The following STK3 variants were observed in gnomAD, a reference collection of about 807,000 sequenced individuals.
The protein encoded by STK3 is serine/threonine-protein kinase 3.
Under a neutral mutation model 58.0 loss-of-function variants are expected in STK3, and 41 were observed. That is an observed-to-expected ratio of 0.71 (90% CI 0.55 to 0.92). The LOEUF is 0.92. Ranked by LOEUF, STK3 falls within the 40% of genes least tolerant of loss-of-function variation. The pLI is 0.00. For missense variants in STK3, 479 were observed against 602.7 expected, an observed-to-expected ratio of 0.79 and a Z score of 2.15; for synonymous variants, 170 against 191.0, an observed-to-expected ratio of 0.89 and a Z score of 0.91.
rs535754799 is a variant in STK3 at position 98,623,003 on chromosome 8, A to T, written c.685-26834T>A. Among the ~76,000 whole-genome samples the T allele has an allele frequency of 3.3e-5, 5 of 152,308 alleles. No individual in the cohort carries two copies. The East Asian group carries it at 9.6e-4, about 29-fold the overall frequency. On this transcript the variant is annotated intron_variant, in intron 6 of 10. Coordinates refer to ENST00000419617, the MANE Select transcript of STK3 (RefSeq NM_006281.4). ...TACCGATAAAAGAAAACCCATGTAG[A>T]AGAAACTGAAGAAAATAAACGCTAG...
chr8:98,823,274 AC>A (rs1835027201), intron 1 of STK3, among the ~76,000 whole-genome samples: 3 of 152,218 alleles, frequency 2.0e-5, no homozygotes, highest in African/African-American at 7.2e-5. Flanking sequence ...TTGAACATCA[AC>A]GACATCGATA....
At chr8:98,445,681 C>G (rs1218666859) in intron 1 of STK3, among the ~76,000 whole-genome samples, 1 of 152,116 alleles carries the variant, frequency 6.6e-6, no homozygotes, top group African/African-American at 2.4e-5. Context: ...AGAAGATAAG[C>G]TTTTCACTCG....
intron 4 of STK3, among the ~76,000 whole-genome samples, chr8:98,738,119 G>A (rs549579628): frequency 6.6e-6 from 1 of 152,340 alleles, no homozygotes; most frequent in African/African-American, 2.4e-5. Flanking sequence ...CACAAATTAT[G>A]AGTTAAATGT....
intron 4 of STK3, among the ~76,000 whole-genome samples, chr8:98,745,275 T>C (rs573632922): frequency 9.8e-5 from 15 of 152,336 alleles, no homozygotes; most frequent in Non-Finnish European, 1.5e-4. Flanking sequence ...TTTGTTAGTC[T>C]GTAATAAATG....
rs144603538 is a variant in STK3 at position 98,608,990 on chromosome 8, T to C, written c.685-12821A>G. ...TGGTTAAGTCCATCCTATGAGACAG[T>C]TCTATATTTATTACATTGGCAGATC... On this transcript the variant is annotated intron_variant, in intron 6 of 10. Coordinates refer to ENST00000419617, the MANE Select transcript of STK3 (RefSeq NM_006281.4). Among the ~76,000 whole-genome samples the C allele has an allele frequency of 1.2e-3, 190 of 152,370 alleles. No homozygotes were observed. In the East Asian group the frequency reaches 0.021, roughly 17 times the overall value.
intron 4 of STK3, 59 bp downstream of exon 4, chr8:98,749,217 A>G (rs983233140): frequency 1.6e-6 from 2 of 1,280,344 alleles, no homozygotes; most frequent in Non-Finnish European, 1.1e-6. Flanking sequence ...CCAACTAGTC[A>G]GATTCTAAAA....
At position 98,428,586 on chromosome 8, in the gene STK3, A is replaced by G; in HGVS notation, n.483+5541T>C. The G allele has an allele frequency of 6.2e-7, 1 of 1,614,098 alleles. No individual in the cohort carries two copies. Among genetic ancestry groups the G allele is most frequent in the Non-Finnish European group, 8.5e-7 (1 of 1,180,020 alleles). On this transcript the variant is annotated intron_variant and non_coding_transcript_variant, in intron 3 of 3. Transcript: ENST00000517832. The surrounding 1 kb of genome is among the most constrained non-coding windows in gnomAD (Gnocchi z 6.7). ...CCTGGTGGTGATGGGGTCCATCATC[A>G]CCATGTGCCTCAATAGCCTGCCCGA...
At chr8:98,764,253 CT>C (rs1197121609) in intron 3 of STK3, among the ~76,000 whole-genome samples, 2 of 152,128 alleles carry the variant, frequency 1.3e-5, no homozygotes, top group East Asian at 3.8e-4. Context: ...TTTTCTTTCC[CT>C]TTAAAAGCTT....
chr8:98,768,180 T>C (rs1341665339), intron 2 of STK3, among the ~76,000 whole-genome samples: 2 of 152,182 alleles, frequency 1.3e-5, no homozygotes, highest in African/African-American at 4.8e-5. Flanking sequence ...TTTACATGCA[T>C]TATGAAATTC....
chr8:98,846,856 TACACACACAC>T (rs374739035), intron 3 of STK3, among the ~76,000 whole-genome samples: 1 of 143,410 alleles, frequency 7.0e-6, no homozygotes, highest in Admixed American at 7.1e-5. Context: ...TTCAGGATCC[TACACACACAC>T]ACACACACAC....
At chr8:98,809,711 T>C (rs976123806) in intron 1 of STK3, among the ~76,000 whole-genome samples, 6 of 152,218 alleles carry the variant, frequency 3.9e-5, no homozygotes, top group Non-Finnish European at 7.3e-5. Flanking sequence ...TATATATATA[T>C]ACCACATTTT....
At chr8:98,701,186 A>G (rs992312858) in intron 6 of STK3, among the ~76,000 whole-genome samples, 2 of 138,118 alleles carry the variant, frequency 1.4e-5, no homozygotes, top group East Asian at 2.5e-4. Flanking sequence ...GGATGGAAGG[A>G]AGGGAGGGAG....
chr8:98,688,046 TAAC>T (rs1824134331), intron 6 of STK3, among the ~76,000 whole-genome samples: 1 of 151,258 alleles, frequency 6.6e-6, no homozygotes, highest in African/African-American at 2.4e-5. Flanking sequence ...ATCTCACAAG[TAAC>T]AACACCCATA....
At chr8:98,450,405 T>C (rs1819146791), downstream of STK3, among the ~76,000 whole-genome samples, 1 of 152,220 alleles carries the variant, frequency 6.6e-6, no homozygotes, top group Non-Finnish European at 1.5e-5. Flanking sequence ...TCCTAGAACA[T>C]TTGATCTTCC....
At chr8:98,895,845 A>G (rs1838424469) in intron 1 of STK3, among the ~76,000 whole-genome samples, 1 of 152,218 alleles carries the variant, frequency 6.6e-6, no homozygotes, top group Non-Finnish European at 1.5e-5. Context: ...TACTTGCAGC[A>G]GAAATTATCC....
At chr8:98,904,036 A>G (rs1178905718) in intron 1 of STK3, among the ~76,000 whole-genome samples, 1 of 152,188 alleles carries the variant, frequency 6.6e-6, no homozygotes, top group Non-Finnish European at 1.5e-5. Context: ...TTGTCAAAAA[A>G]TTATTTAAAA....
chr8:98,361,883 A>T, the STK3 span, among the ~76,000 whole-genome samples: 90,397 of 151,902 alleles, frequency 0.6, 27,307 homozygotes, highest in African/African-American at 0.65. Context: ...GGGGTTCTGT[A>T]GCTTCTTGGC....
intron 3 of STK3, among the ~76,000 whole-genome samples, chr8:98,411,782 A>T (rs768425026): frequency 3.9e-5 from 6 of 152,220 alleles, no homozygotes; most frequent in African/African-American, 1.4e-4. Flanking sequence ...GGGACAAATC[A>T]GGGTGTACTA....
intron 6 of STK3, among the ~76,000 whole-genome samples, chr8:98,700,953 A>G (rs1223960419): frequency 6.6e-6 from 1 of 152,208 alleles, no homozygotes; most frequent in African/African-American, 2.4e-5. Flanking sequence ...CAGTGAGCCT[A>G]GATGGCGCCA....
Sources: gnomAD v4.1 joint callset for allele counts (sites outside exome capture counted in the v4.1 genomes callset) on GRCh38, gnomAD v4.1.1 for gene constraint, Gnocchi (gnomAD v3.1) non-coding constraint, MANE v1.5 for transcripts, NCBI Gene and HGNC (gene_info 2026-07-23, HGNC 2026-07-21) for gene names.